Variants in ABCB4 observed in about 807,000 individuals in gnomAD.
ABCB4 encodes the protein phosphatidylcholine translocator ABCB4.
In ABCB4, 76 loss-of-function variants were observed where a neutral mutation model predicts 145.7. The ratio of observed to expected loss-of-function variants is 0.52; its 90% confidence interval spans 0.43 to 0.63. The LOEUF (loss-of-function observed/expected upper bound fraction) is 0.63. Ranked by LOEUF, ABCB4 falls within the 30% of genes least tolerant of loss-of-function variation. The probability of loss-of-function intolerance (pLI) is 0.00; values close to 1 mark genes in which losing one functional copy is unlikely to be tolerated. For missense variants in ABCB4, 1,234 were observed against 1,553.1 expected (o/e 0.79, Z 3.45); for synonymous variants, 517 against 566.8 (o/e 0.91, Z 1.25).
At chr7:87,455,598 A>G (rs1812052880) in intron 4 of ABCB4, among the ~76,000 whole-genome samples, 1 of 152,238 alleles carries the variant, frequency 6.6e-6, no homozygotes, top group Admixed American at 6.5e-5. Context: ...TATTCATGTG[A>G]CAATGACTTA....
At chr7:87,383,302 C>A in the ABCB4 span, among the ~76,000 whole-genome samples, 1 of 152,160 alleles carries the variant, frequency 6.6e-6, no homozygotes, top group African/African-American at 2.4e-5. Flanking sequence ...CACCATTTTA[C>A]TGTCTACTTC....
At chr7:87,398,476 T>C (rs1202585064), downstream of ABCB4, 7 of 1,607,742 alleles carry the variant, frequency 4.4e-6, no homozygotes, top group African/African-American at 9.4e-5. Flanking sequence ...TCACCATCAC[T>C]ATTTGGAGCC....
intron 20 of ABCB4, 138 bp downstream of exon 20, chr7:87,418,399 T>A (rs1377321802): frequency 2.5e-6 from 2 of 807,500 alleles, no homozygotes; most frequent in Non-Finnish European, 4.2e-6. Context: ...TTTAATCTTC[T>A]GCTTATTGTT....
chr7:87,457,336 G>A (rs2116854901), intron 4 of ABCB4, among the ~76,000 whole-genome samples: 1 of 152,252 alleles, frequency 6.6e-6, no homozygotes, highest in African/African-American at 2.4e-5. Context: ...CTTGAGCCCA[G>A]GAGCTCAAGG....
downstream of ABCB4, chr7:87,398,598 G>A: frequency 6.2e-7 from 1 of 1,613,654 alleles, no homozygotes; most frequent in Non-Finnish European, 8.5e-7. Context: ...CTGACTTTTT[G>A]TGCTTTTCAT....
At chr7:87,423,823 T>G (rs1584708383) in intron 17 of ABCB4, 83 bp downstream of exon 17, 3 of 1,562,794 alleles carry the variant, frequency 1.9e-6, no homozygotes, top group Non-Finnish European at 2.6e-6. Flanking sequence ...AATCCCAGAA[T>G]GGAGCCAGTC....
At chr7:87,433,656 GAC>G (rs1554404976) in intron 14 of ABCB4, among the ~76,000 whole-genome samples, 9 of 141,478 alleles carry the variant, frequency 6.4e-5, no homozygotes, top group Non-Finnish European at 1.5e-5. Flanking sequence ...GTAGAGCTTT[GAC>G]ACAAAAAATT....
rs1178619531 is a variant in ABCB4 at position 87,417,414 on chromosome 7, T to C, written c.2580A>G (p.Leu860=). The C allele has an allele frequency of 3.7e-6, 6 of 1,614,156 alleles. No individual in the cohort carries two copies. Among genetic ancestry groups the C allele is most frequent in the Non-Finnish European group, 2.5e-6 (3 of 1,180,000 alleles). ...FIYGWQLTLL[L]LAVVPIIAVS... Reference sequence around the variant, plus strand: ...CAGCAATAATTGGAACAACTGCTAATAGCAATAGGGTTAACTGCCAACCGT... The same window carrying C: ...CAGCAATAATTGGAACAACTGCTAACAGCAATAGGGTTAACTGCCAACCGT... The change falls in exon 21 of 28, where the codon CTA becomes CTG. Residue 860 remains leucine (L), a synonymous_variant. Coordinates refer to ENST00000649586, the MANE Select transcript of ABCB4 (RefSeq NM_000443.4).
At chr7:87,469,321 A>T (rs1260668364) in intron 3 of ABCB4, among the ~76,000 whole-genome samples, 1 of 152,210 alleles carries the variant, frequency 6.6e-6, no homozygotes, top group Non-Finnish European at 1.5e-5. Context: ...ACAAGACAGG[A>T]TGCCCTCTCT....
chr7:87,439,520 C>G (rs1218866126), intron 14 of ABCB4, 147 bp downstream of exon 14: 1 of 988,848 alleles, frequency 1.0e-6, no homozygotes, highest in Non-Finnish European at 1.6e-6. Context: ...GACAATGTAA[C>G]CTGACAGAAA....
intron 12 of ABCB4, among the ~76,000 whole-genome samples, chr7:87,441,002 G>A (rs895967782): frequency 1.3e-5 from 2 of 152,214 alleles, no homozygotes; most frequent in African/African-American, 2.4e-5. Flanking sequence ...GCCTCCCAAA[G>A]TGCTGGGATT....
At chr7:87,369,343 T>A in the ABCB4 span, 1 of 1,468,264 alleles carries the variant, frequency 6.8e-7, no homozygotes, top group Non-Finnish European at 9.4e-7. Flanking sequence ...TAACCTTAGA[T>A]TTGAGTCTTG....
chr7:87,453,173 CT>C (rs1811874441), intron 5 of ABCB4, 38 bp from the exon 6 acceptor site: 6 of 1,590,670 alleles, frequency 3.8e-6, no homozygotes, highest in African/African-American at 1.3e-5. Flanking sequence ...AATACCTTCT[CT>C]TTTCTTTTTT....
At chr7:87,475,752 C>T, upstream of ABCB4, 1 of 334,694 alleles carries the variant, frequency 3.0e-6, no homozygotes, top group South Asian at 5.4e-5. Context: ...CACGCGCGTC[C>T]GGCCCGGGAA....
chr7:87,385,577 A>G, the ABCB4 span, among the ~76,000 whole-genome samples: 1 of 152,056 alleles, frequency 6.6e-6, no homozygotes, highest in East Asian at 1.9e-4. Context: ...TTATCACTCT[A>G]ATGGCTGTTT....
chr7:87,375,401 A>T, the ABCB4 span: 1 of 447,624 alleles, frequency 2.2e-6, no homozygotes, highest in Non-Finnish European at 4.0e-6. Context: ...TTTAGCCAAT[A>T]ACTAAATTTA....
intron 5 of ABCB4, 59 bp downstream of exon 5, chr7:87,454,476 G>C: frequency 7.7e-7 from 1 of 1,304,948 alleles, no homozygotes; most frequent in East Asian, 2.3e-5. Context: ...TTATAACTCT[G>C]TAATTGGAAA....
rs1584679264 is a variant in ABCB4, at chr7:87,409,464, A to C, written c.2925-72T>G. The C allele has an allele frequency of 3.3e-6, 5 of 1,493,344 alleles. No homozygotes were observed. In the South Asian group the frequency reaches 3.4e-5, roughly 10 times the overall value. 92.5% of individuals were successfully genotyped at this position (1,493,344 alleles called of 1,614,324 possible). The stretch of plus-strand genomic sequence containing the variant: ...CCATGATGTTTGAAAGTCTAAAGGT[A>C]TAGTGCTTACCAGTATTTTTTCCCT... On this transcript the variant is annotated intron_variant, in intron 23 of 27. Transcript: ENST00000649586.
chr7:87,445,382 A>G (rs1052626276), intron 9 of ABCB4, among the ~76,000 whole-genome samples: 2 of 152,204 alleles, frequency 1.3e-5, no homozygotes, highest in African/African-American at 4.8e-5. Context: ...AAAAAGCACC[A>G]TGTCACATAT....
Sources: gnomAD v4.1 joint callset for allele counts (sites outside exome capture counted in the v4.1 genomes callset) on GRCh38, gnomAD v4.1.1 for gene constraint, MANE v1.5 for transcripts, NCBI Gene and HGNC (gene_info 2026-07-23, HGNC 2026-07-21) for gene names.